GRID2: variants seen among roughly 807,000 people sequenced by gnomAD.
The protein encoded by GRID2 is glutamate receptor ionotropic, delta-2.
GRID2 carries 33 observed loss-of-function variants against 114.8 expected under a neutral mutation model. The observed-to-expected ratio is 0.29, with a 90% CI of 0.22 to 0.38. The LOEUF (loss-of-function observed/expected upper bound fraction) is 0.38, where lower values mean the gene tolerates loss of function less well. Among genes scored for constraint, GRID2 ranks in the 10% least tolerant of loss-of-function variants. The pLI is 1.00. For synonymous variants in GRID2, 505 were observed against 449.9 expected (o/e 1.12, Z -1.55); for missense variants, 1,184 against 1,257.7 (o/e 0.94, Z 0.89).
intron 13 of GRID2, among the ~76,000 whole-genome samples, chr4:93,541,715 T>C (rs750467655): frequency 6.6e-5 from 10 of 152,202 alleles, no homozygotes; most frequent in Non-Finnish European, 8.8e-5. Flanking sequence ...GTTTGGGAGT[T>C]GCTCTATACA....
At position 92,925,919 on chromosome 4, in the gene GRID2, T is replaced by C. The variant is rs190352036; in HGVS notation, c.245-159076T>C. 9.6e-4 allele frequency among the ~76,000 whole-genome samples: 146 copies of C among 152,124 alleles called. No homozygotes were observed. In the Middle Eastern group the frequency reaches 0.021, roughly 21 times the overall value. On this transcript the variant is annotated intron_variant, in intron 2 of 15. Coordinates refer to ENST00000282020, the MANE Select transcript of GRID2 (RefSeq NM_001510.4). ...AGTTAGTTTTAGATGTAATATATAA[T>C]GTAATTAAAAAGTTCCCATCATTTG...
chr4:92,432,591 A>G (rs540426932), intron 1 of GRID2, among the ~76,000 whole-genome samples: 5 of 152,104 alleles, frequency 3.3e-5, no homozygotes, highest in African/African-American at 1.2e-4. Flanking sequence ...AGTGCTCTTC[A>G]GTCAGCTTGT....
intron 6 of GRID2, among the ~76,000 whole-genome samples, chr4:93,219,984 G>C (rs1206568780): frequency 6.6e-6 from 1 of 152,078 alleles, no homozygotes; most frequent in African/African-American, 2.4e-5. Flanking sequence ...TAGCCAATCA[G>C]CCAGCAGGAA....
intron 2 of GRID2, among the ~76,000 whole-genome samples, chr4:92,763,571 C>T (rs930708438): frequency 6.6e-6 from 1 of 152,118 alleles, no homozygotes; most frequent in Non-Finnish European, 1.5e-5. Context: ...GCCATATGTG[C>T]ATAGGTTATA....
intron 2 of GRID2, among the ~76,000 whole-genome samples, chr4:92,924,243 C>T (rs926856786): frequency 6.6e-6 from 1 of 151,964 alleles, no homozygotes; most frequent in Non-Finnish European, 1.5e-5. Flanking sequence ...ACTCTGGGGA[C>T]TGTTGTGTGT....
At chr4:93,013,042 G>A (rs1004243489) in intron 2 of GRID2, among the ~76,000 whole-genome samples, 37 of 151,878 alleles carry the variant, frequency 2.4e-4, no homozygotes, top group African/African-American at 8.9e-4. Flanking sequence ...TACTTACCAG[G>A]CAGGATTAAT....
chr4:92,896,571 T>C (rs1459800254), intron 2 of GRID2, among the ~76,000 whole-genome samples: 3 of 150,722 alleles, frequency 2.0e-5, no homozygotes, highest in Admixed American at 6.6e-5. Context: ...TATATATATA[T>C]ATAGTCAATT....
chr4:93,285,879 C>T (rs1753102474), intron 8 of GRID2, among the ~76,000 whole-genome samples: 2 of 151,844 alleles, frequency 1.3e-5, no homozygotes, highest in Admixed American at 6.6e-5. Context: ...TAAAATCCTG[C>T]ACTCTGAATT....
chr4:93,401,183 G>A (rs1765848691), intron 9 of GRID2, among the ~76,000 whole-genome samples: 1 of 151,116 alleles, frequency 6.6e-6, no homozygotes, highest in Admixed American at 6.6e-5. Context: ...AAACTGCAGT[G>A]CAGTTGTTCT....
At chr4:93,611,266 C>T (rs1484067660) in intron 13 of GRID2, among the ~76,000 whole-genome samples, 1 of 110,004 alleles carries the variant, frequency 9.1e-6, no homozygotes, top group Non-Finnish European at 1.9e-5. Flanking sequence ...AAAAAACCAG[C>T]TCCTGGATTC....
chr4:93,098,147 T>C (rs1731387134), intron 3 of GRID2, among the ~76,000 whole-genome samples: 1 of 152,002 alleles, frequency 6.6e-6, no homozygotes, highest in Non-Finnish European at 1.5e-5. Context: ...TATTTACCTC[T>C]TTTTAAAATA....
At chr4:92,478,091 TATC>T (rs1448077199) in intron 1 of GRID2, among the ~76,000 whole-genome samples, 5 of 151,890 alleles carry the variant, frequency 3.3e-5, no homozygotes, top group Non-Finnish European at 5.9e-5. Flanking sequence ...TCCCATCCAA[TATC>T]ATAGAATAAT....
At chr4:92,425,387 T>G (rs570776595) in intron 1 of GRID2, among the ~76,000 whole-genome samples, 5 of 152,074 alleles carry the variant, frequency 3.3e-5, no homozygotes, top group Admixed American at 1.3e-4. Context: ...AAAAACACAA[T>G]GGAATAAAAA....
intron 14 of GRID2, among the ~76,000 whole-genome samples, chr4:93,729,914 T>C (rs1383004001): frequency 6.6e-6 from 1 of 152,212 alleles, no homozygotes; most frequent in East Asian, 1.9e-4. Context: ...ATTGTGGACA[T>C]GCAATTTCCA....
At chr4:93,654,100 G>C (rs1400257435) in intron 14 of GRID2, among the ~76,000 whole-genome samples, 1 of 152,128 alleles carries the variant, frequency 6.6e-6, no homozygotes, top group Non-Finnish European at 1.5e-5. Context: ...ATGTCTGTCT[G>C]TCTAGTGGCC....
At chr4:93,512,748 T>C (rs1729320723) in intron 12 of GRID2, among the ~76,000 whole-genome samples, 1 of 152,194 alleles carries the variant, frequency 6.6e-6, no homozygotes, top group Non-Finnish European at 1.5e-5. Flanking sequence ...TATTAAGATA[T>C]TCCTCTAAAA....
At chr4:93,619,285 G>A (rs959813121) in intron 13 of GRID2, among the ~76,000 whole-genome samples, 1 of 152,192 alleles carries the variant, frequency 6.6e-6, no homozygotes. Flanking sequence ...AAGAATTGAT[G>A]AATGCTGCTA....
In GRID2 at chr4:93,094,161, G is replaced by C. The variant is rs144118507; in HGVS notation, c.529+8882G>C. ...GTGGCACTTGCTTCAGGAAAAAAAG[G>C]GTGTTTATTTGCTTTCTATTAAGGT... On this transcript the variant is annotated intron_variant, in intron 3 of 15. Coordinates refer to ENST00000282020, the MANE Select transcript of GRID2 (RefSeq NM_001510.4). 5.4e-3 allele frequency among the ~76,000 whole-genome samples: 822 copies of C among 152,052 alleles called. 3 individuals are homozygous for C. The highest frequency in any genetic ancestry group is 0.019 in the African/African-American group (787 of 41,530).
intron 2 of GRID2, among the ~76,000 whole-genome samples, chr4:92,983,295 C>T (rs1754327488): frequency 6.6e-6 from 1 of 152,032 alleles, no homozygotes; most frequent in South Asian, 2.1e-4. Context: ...TTTACTGTGT[C>T]ATTACATGGC....
Sources: allele counts gnomAD v4.1 joint callset (sites outside exome capture counted in the v4.1 genomes callset), GRCh38; gene constraint gnomAD v4.1.1; transcripts MANE v1.5; gene names NCBI Gene and HGNC (gene_info 2026-07-23, HGNC 2026-07-21).